Variants in ZNF184 observed in about 807,000 individuals in gnomAD.
ZNF184 encodes the protein zinc finger protein 184 (Kruppel-like).
ZNF184 carries 16 observed loss-of-function variants against 54.4 expected under a neutral mutation model. That is an observed-to-expected ratio of 0.29 (90% CI 0.20 to 0.45). The LOEUF (loss-of-function observed/expected upper bound fraction) is 0.45. Ranked by LOEUF, ZNF184 falls within the 20% of genes least tolerant of loss-of-function variation. The pLI, the probability that ZNF184 is intolerant of heterozygous loss-of-function variation, is 1.00. For synonymous variants in ZNF184, 254 were observed against 295.3 expected (o/e 0.86, Z 1.43); for missense variants, 681 against 888.2 (o/e 0.77, Z 2.97).
chr6:27,472,035 G>A lies in ZNF184; in HGVS notation c.7+253C>T, dbSNP rs370393010. On this transcript the variant is annotated intron_variant, in intron 2 of 5. Transcript: ENST00000683788. This position sits in a 1 kb window ranked among gnomAD's most constrained non-coding sequence, Gnocchi z 4.8. ...ATTTAATATTCAGAAGTCATGTGGGGATCACAGATATTCTGAATGATTATG... is the reference window on the plus strand; with the variant it reads ...ATTTAATATTCAGAAGTCATGTGGGAATCACAGATATTCTGAATGATTATG... 6.6e-6 allele frequency among the ~76,000 whole-genome samples: 1 copy of A among 152,246 alleles called. No individual in the cohort carries two copies. Among genetic ancestry groups the A allele is most frequent in the East Asian group, 1.9e-4 (1 of 5,186 alleles).
chr6:27,456,789 A>T, intron 5 of ZNF184, 37 bp downstream of exon 5: 4 of 1,544,498 alleles, frequency 2.6e-6, no homozygotes, highest in Non-Finnish European at 3.6e-6. Flanking sequence ...TGACAGTCGG[A>T]GTTAATGATA....
chr6:27,436,346 T>C, the ZNF184 span, among the ~76,000 whole-genome samples: 4 of 152,122 alleles, frequency 2.6e-5, no homozygotes, highest in Non-Finnish European at 5.9e-5. Flanking sequence ...GTATTTTTAG[T>C]AGAGAAGGGG....
chr6:27,463,357 A>G (rs1367396022), intron 3 of ZNF184, among the ~76,000 whole-genome samples: 2 of 152,028 alleles, frequency 1.3e-5, no homozygotes, highest in African/African-American at 4.8e-5. Context: ...AAAATTCACC[A>G]GTTAGTATTA....
At chr6:27,414,165 T>A in the ZNF184 span, among the ~76,000 whole-genome samples, 1 of 152,176 alleles carries the variant, frequency 6.6e-6, no homozygotes, top group Non-Finnish European at 1.5e-5. Flanking sequence ...TGTTCTAGAA[T>A]CAAACCATTT....
chr6:27,448,495 A>T (rs534269510), downstream of ZNF184, among the ~76,000 whole-genome samples: 1 of 152,326 alleles, frequency 6.6e-6, no homozygotes, highest in East Asian at 1.9e-4. Flanking sequence ...ATGACTTGCC[A>T]TCTCATTCTG....
the ZNF184 span, among the ~76,000 whole-genome samples, chr6:27,416,733 G>T: frequency 6.6e-6 from 1 of 152,050 alleles, no homozygotes; most frequent in Non-Finnish European, 1.5e-5. Flanking sequence ...CTCTTATTTG[G>T]ATCTCACTGA....
the ZNF184 span, among the ~76,000 whole-genome samples, chr6:27,421,290 G>A: frequency 6.6e-6 from 1 of 152,200 alleles, no homozygotes; most frequent in Non-Finnish European, 1.5e-5. Context: ...ATGTACCATT[G>A]AAGGAAGTTG....
chr6:27,408,981 T>C, the ZNF184 span, among the ~76,000 whole-genome samples: 161 of 152,322 alleles, frequency 1.1e-3, no homozygotes, highest in African/African-American at 3.7e-3. Flanking sequence ...TTAGCCTGAA[T>C]ACATGGATTC....
At chr6:27,465,484 CA>C (rs60538455) in intron 3 of ZNF184, among the ~76,000 whole-genome samples, 3,721 of 34,688 alleles carry the variant, frequency 0.11, 9 homozygotes, top group African/African-American at 0.26. Flanking sequence ...GACTCCATCT[CA>C]AAAAAAAAAA....
chr6:27,425,655 T>C, the ZNF184 span, among the ~76,000 whole-genome samples: 3 of 152,304 alleles, frequency 2.0e-5, no homozygotes, highest in South Asian at 2.1e-4. Context: ...TATACCAGCA[T>C]TCCTCTTAGA....
Position 27,473,032 on chromosome 6 carries a change from T to A in ZNF184, c.-443A>T, listed in dbSNP as rs1211483038. On this transcript the variant is annotated 5_prime_UTR_variant, in exon 1 of 6. Transcript: ENST00000683788. ...TCTGATCCCGGGTCCGGAAGCGCAT[T>A]GACCGCCACCAGACCTAACGCAGGG... is the stretch of plus-strand genomic sequence containing the variant. The A allele has an allele frequency of 6.6e-6, 1 of 152,430 alleles. No homozygotes were observed. The highest frequency in any genetic ancestry group is 1.5e-5 in the Non-Finnish European group (1 of 68,258). 9.4% of individuals were successfully genotyped at this position (152,430 alleles called of 1,614,324 possible). A position where few individuals can be genotyped will look rare whatever the true frequency, so the allele number is the denominator to read the frequency against.
the ZNF184 span, among the ~76,000 whole-genome samples, chr6:27,436,537 T>C: frequency 6.6e-6 from 1 of 152,230 alleles, no homozygotes; most frequent in South Asian, 2.1e-4. Flanking sequence ...AAGGCGATCA[T>C]GTAATTTTTT....
chr6:27,468,842 T>C (rs1763204926), intron 2 of ZNF184, among the ~76,000 whole-genome samples: 1 of 152,236 alleles, frequency 6.6e-6, no homozygotes, highest in African/African-American at 2.4e-5. Context: ...AAAGTTAGAA[T>C]AGTACTTCTG....
At chr6:27,422,493 CA>C in the ZNF184 span, among the ~76,000 whole-genome samples, 13 of 148,358 alleles carry the variant, frequency 8.8e-5, no homozygotes, top group South Asian at 6.4e-4. Context: ...AACAAAACGA[CA>C]AAAAAAAAAT....
Position 27,472,349 on chromosome 6 carries a change from C to T in ZNF184, c.-55G>A. ...TTGAACACCAGGGTTCGCCAGGCAG[C>T]GTTCCTTCAGCTGGTATCTCGGTCT... On this transcript the variant is annotated 5_prime_UTR_variant, in exon 2 of 6. Transcript: ENST00000683788. The surrounding 1 kb of genome is among the most constrained non-coding windows in gnomAD (Gnocchi z 4.8). 1.2e-6 allele frequency: 2 copies of T among 1,613,254 alleles called. No homozygotes were observed. Among genetic ancestry groups the T allele is most frequent in the African/African-American group, 1.3e-5 (1 of 75,032 alleles).
the ZNF184 span, among the ~76,000 whole-genome samples, chr6:27,427,451 G>T: frequency 6.6e-6 from 1 of 152,122 alleles, no homozygotes; most frequent in Non-Finnish European, 1.5e-5. Flanking sequence ...GCTTTTGAGG[G>T]CTTTACCCTC....
At chr6:27,404,108 A>T in the ZNF184 span, 1 of 152,236 alleles carries the variant, frequency 6.6e-6, no homozygotes, top group African/African-American at 2.4e-5. Flanking sequence ...AGAAAACAAC[A>T]CATACAAATG....
the ZNF184 span, among the ~76,000 whole-genome samples, chr6:27,439,771 G>T: frequency 6.6e-6 from 1 of 152,158 alleles, no homozygotes; most frequent in Non-Finnish European, 1.5e-5. Flanking sequence ...TCATAGGTAT[G>T]TATGTGTAGG....
At chr6:27,405,992 C>T in the ZNF184 span, 1 of 152,216 alleles carries the variant, frequency 6.6e-6, no homozygotes, top group Non-Finnish European at 1.5e-5. Context: ...TCAGCCTCAT[C>T]ATCCCAATCC....
Sources: gnomAD v4.1 joint callset for allele counts (sites outside exome capture counted in the v4.1 genomes callset) on GRCh38, gnomAD v4.1.1 for gene constraint, Gnocchi (gnomAD v3.1) non-coding constraint, MANE v1.5 for transcripts, NCBI Gene and HGNC (gene_info 2026-07-23, HGNC 2026-07-21) for gene names.